Variants in FGD4 observed in about 807,000 individuals in gnomAD.
FGD4 encodes FYVE, RhoGEF and PH domain containing 4, also known as FYVE, RhoGEF and PH domain-containing protein 4.
In FGD4, 42 loss-of-function variants were observed where a neutral mutation model predicts 102.0. The observed-to-expected ratio is 0.41, with a 90% CI of 0.32 to 0.53. The LOEUF is 0.53. Ranked by LOEUF, FGD4 falls within the 20% of genes least tolerant of loss-of-function variation. FGD4 has a pLI of 0.21. For missense variants in FGD4, 902 were observed against 1,078.2 expected, an observed-to-expected ratio of 0.84 and a Z score of 2.29; for synonymous variants, 380 against 375.7, an observed-to-expected ratio of 1.01 and a Z score of -0.13.
rs1210499833 is a variant in FGD4, at chr12:32,491,137, A to AC, written c.167-73000_167-72999insC. ...TTGGAATACCTTCTGCCAGTTAAAA[A>AC]AAAAAAAAAAAAACAAAAAACTATA... is the stretch of plus-strand genomic sequence containing the variant. On this transcript the variant is annotated intron_variant, in intron 1 of 16. Transcript: ENST00000534526. Among the ~76,000 whole-genome samples the AC allele has an allele frequency of 2.0e-5, 3 of 150,278 alleles. No homozygotes were observed. The East Asian group carries it at 5.8e-4, about 29-fold the overall frequency.
At chr12:32,566,654 A>G (rs1048688440) in intron 2 of FGD4, among the ~76,000 whole-genome samples, 2 of 151,452 alleles carry the variant, frequency 1.3e-5, no homozygotes, top group Non-Finnish European at 2.9e-5. Context: ...TAGATTGGTC[A>G]GTAAGTCAAT....
chr12:32,601,565 TGTG>T, intron 6 of FGD4, 142 bp downstream of exon 6: 1 of 1,046,016 alleles, frequency 9.6e-7, no homozygotes. Context: ...TGATAGAAGT[TGTG>T]GTACAAAGGA....
chr12:32,416,776 A>G (rs1941431503), intron 1 of FGD4, among the ~76,000 whole-genome samples: 3 of 152,206 alleles, frequency 2.0e-5, no homozygotes, highest in Admixed American at 2.0e-4. Flanking sequence ...CTTTCTACTT[A>G]AGAGTATTTC....
intron 1 of FGD4, among the ~76,000 whole-genome samples, chr12:32,490,081 T>C (rs1944038163): frequency 6.6e-6 from 1 of 152,204 alleles, no homozygotes; most frequent in Non-Finnish European, 1.5e-5. Context: ...CTTTACTATT[T>C]TGCCTTTCAC....
chr12:32,523,078 G>A (rs11052043), intron 1 of FGD4, among the ~76,000 whole-genome samples: 7,669 of 152,252 alleles, frequency 0.05, 274 homozygotes, highest in South Asian at 0.1. Flanking sequence ...GGAATCTTCT[G>A]CATAGTGGAG....
intron 1 of FGD4, among the ~76,000 whole-genome samples, chr12:32,474,369 T>C (rs1245900307): frequency 2.6e-5 from 4 of 152,052 alleles, no homozygotes; most frequent in Non-Finnish European, 5.9e-5. Context: ...GATGAATAGG[T>C]AAATAAAAAG....
chr12:32,608,045 A>G lies in FGD4; in HGVS notation c.1493A>G (p.Asp498Gly), dbSNP rs1490014587. The G allele has an allele frequency of 3.1e-6, 5 of 1,614,256 alleles. No homozygotes were observed. The highest frequency in any genetic ancestry group is 4.5e-5 in the East Asian group (2 of 44,888). Residue 498 changes from aspartate (D) to glycine (G), a missense_variant, in exon 8 of 17, where the codon GAC (aspartate) becomes GGC (glycine). Asp to Gly is a moderately conservative substitution (Grantham distance 94). Around this residue, in one of 2 missense-constraint regions of FGD4, gnomAD observed 459 missense variants for 619.0 expected, o/e 0.74. Transcript: ENST00000534526. ...CCCCGGTATGAGATGCTCCTTAAGG[A>G]CTATCTAAGGAAATTGCCTCCTGAT... ...RIPRYEMLLK[D>G]YLRKLPPDSL...
chr12:32,473,097 C>T (rs572631946), intron 1 of FGD4, among the ~76,000 whole-genome samples: 82 of 151,822 alleles, frequency 5.4e-4, no homozygotes, highest in African/African-American at 1.6e-3. Flanking sequence ...CTGTTGGGGA[C>T]GTGGAGAACC....
intron 3 of FGD4, 129 bp downstream of exon 3, chr12:32,576,578 G>GA: frequency 9.7e-7 from 1 of 1,031,146 alleles, no homozygotes; most frequent in Non-Finnish European, 1.5e-6. Flanking sequence ...TAGGCCTTCA[G>GA]AAAGGGTGAA....
At chr12:32,503,002 G>A (rs1171521379) in intron 1 of FGD4, among the ~76,000 whole-genome samples, 1 of 152,172 alleles carries the variant, frequency 6.6e-6, no homozygotes, top group Non-Finnish European at 1.5e-5. Flanking sequence ...GTTGCATATT[G>A]TGAGCAGTAG....
intron 1 of FGD4, among the ~76,000 whole-genome samples, chr12:32,405,261 G>GTTTTTTT (rs11396808): frequency 5.5e-5 from 6 of 108,742 alleles, no homozygotes; most frequent in Non-Finnish European, 7.0e-5. Context: ...GCAGTCAGTG[G>GTTTTTTT]TTTTTTTTTT....
At chr12:32,474,726 A>G (rs1943542183) in intron 1 of FGD4, among the ~76,000 whole-genome samples, 1 of 152,050 alleles carries the variant, frequency 6.6e-6, no homozygotes. Flanking sequence ...CCTGGACAAC[A>G]TGGCGAAATT....
intron 1 of FGD4, among the ~76,000 whole-genome samples, chr12:32,403,745 C>T (rs1228376651): frequency 6.6e-6 from 1 of 151,902 alleles, no homozygotes; most frequent in Non-Finnish European, 1.5e-5. Context: ...TACAGGCACA[C>T]ACCACCATGC....
chr12:32,460,917 A>G (rs1322404758), intron 1 of FGD4, among the ~76,000 whole-genome samples: 1 of 152,230 alleles, frequency 6.6e-6, no homozygotes, highest in Non-Finnish European at 1.5e-5. Flanking sequence ...CTCTTTCTAC[A>G]TACTGTTTCT....
At chr12:32,419,510 G>A (rs1000223839) in intron 1 of FGD4, among the ~76,000 whole-genome samples, 1 of 152,166 alleles carries the variant, frequency 6.6e-6, no homozygotes, top group Non-Finnish European at 1.5e-5. Flanking sequence ...TCCCCACCAC[G>A]CAGCCACTGC....
chr12:32,493,656 G>T (rs896423160), intron 1 of FGD4, among the ~76,000 whole-genome samples: 1 of 152,202 alleles, frequency 6.6e-6, no homozygotes, highest in African/African-American at 2.4e-5. Flanking sequence ...TTTCAGCAAA[G>T]ATTTAATGAG....
chr12:32,509,111 G>T (rs189921283), intron 1 of FGD4, among the ~76,000 whole-genome samples: 1 of 152,046 alleles, frequency 6.6e-6, no homozygotes, highest in Non-Finnish European at 1.5e-5. Context: ...AGATTTATCC[G>T]CATTGAAAAA....
At chr12:32,515,926 A>G (rs1179420825) in intron 1 of FGD4, among the ~76,000 whole-genome samples, 1 of 152,282 alleles carries the variant, frequency 6.6e-6, no homozygotes, top group Admixed American at 6.5e-5. Context: ...TTAAAAGGGC[A>G]GGCAAATAAG....
At chr12:32,513,715 A>G (rs922397391) in intron 1 of FGD4, among the ~76,000 whole-genome samples, 1 of 151,540 alleles carries the variant, frequency 6.6e-6, no homozygotes, top group Non-Finnish European at 1.5e-5. Context: ...AGGAGTGGAA[A>G]GTGTCAGGAA....
Sources: gnomAD v4.1 joint callset for allele counts (sites outside exome capture counted in the v4.1 genomes callset) on GRCh38, gnomAD v4.1.1 for gene constraint, gnomAD v4.1.1 regional missense constraint, MANE v1.5 for transcripts, NCBI Gene and HGNC (gene_info 2026-07-23, HGNC 2026-07-21) for gene names.